The following RFC2 variants were observed in gnomAD, a reference collection of about 807,000 sequenced individuals.
RFC2 encodes the protein replication factor C subunit 2, also known as A1 40 kDa subunit.
A neutral mutation model predicts 44.8 loss-of-function variants in RFC2; 34 were observed. That is an observed-to-expected ratio of 0.76 (90% CI 0.58 to 1.01). The LOEUF (loss-of-function observed/expected upper bound fraction) is 1.01, where lower values mean the gene tolerates loss of function less well. Ranked by LOEUF, RFC2 falls within the 50% of genes least tolerant of loss-of-function variation. The pLI is 0.00. For missense variants in RFC2, 400 were observed against 453.6 expected, an observed-to-expected ratio of 0.88 and a Z score of 1.07; for synonymous variants, 177 against 168.9, an observed-to-expected ratio of 1.05 and a Z score of -0.37.
At chr7:74,237,480 AG>A (rs1554718525) in intron 8 of RFC2, 38 bp from the exon 9 acceptor site, 1 of 1,430,568 alleles carries the variant, frequency 7.0e-7, no homozygotes, top group African/African-American at 1.4e-5. Flanking sequence ...AGGGGCTAGA[AG>A]GGACAATGTG....
At chr7:74,246,550 T>C (rs1335360076) in intron 5 of RFC2, 112 bp downstream of exon 5, 70 of 630,820 alleles carry the variant, frequency 1.1e-4, no homozygotes, top group Non-Finnish European at 7.5e-5. Flanking sequence ...AAATTGCTTG[T>C]GGAAGATATG....
chr7:74,239,658 T>C (rs1228877260), intron 7 of RFC2, among the ~76,000 whole-genome samples: 1 of 152,030 alleles, frequency 6.6e-6, no homozygotes, highest in Non-Finnish European at 1.5e-5. Flanking sequence ...TAATTTTTTT[T>C]AGTAGAGATG....
In RFC2 at chr7:74,249,369, C is replaced by T. The variant is rs574182983; in HGVS notation, c.226-251G>A. ...CAGACTGGCCAACATGGCGAAACCC[C>T]GTCTCTACTAAAAATACAAAACTTA... On this transcript the variant is annotated intron_variant, in intron 3 of 10. Transcript: ENST00000055077. The T allele has an allele frequency of 4.5e-5, 25 of 557,068 alleles. No individual in the cohort carries two copies. The Middle Eastern group carries it at 1.2e-3, about 26-fold the overall frequency. The allele number at this position is 557,068 out of a possible 1,614,324, so 34.5% of individuals were successfully genotyped here. A position where few individuals can be genotyped will look rare whatever the true frequency, so the allele number is the denominator to read the frequency against.
chr7:74,239,947 G>A lies in RFC2; in HGVS notation c.684C>T (p.Asp228=). 6.2e-7 allele frequency: 1 copy of A among 1,605,656 alleles called. No individual in the cohort carries two copies. The highest frequency in any genetic ancestry group is 8.5e-7 in the Non-Finnish European group (1 of 1,175,938). Residue 228 remains aspartate (D), a synonymous_variant, in exon 7 of 11, where the codon GAC becomes GAT. Coordinates refer to ENST00000055077, the MANE Select transcript of RFC2 (RefSeq NM_181471.3). ...LEAIIFTAQG[D]MRQALNNLQS... is the part of the protein sequence containing the mutation. The stretch of plus-strand genomic sequence containing the variant: ...GTAGCAGCCCACATACCTGCCTCAT[G>A]TCTCCCTGGGCCGTGAAGATGATGG...
chr7:74,246,113 G>A (rs1473785458), intron 5 of RFC2, among the ~76,000 whole-genome samples: 7 of 151,842 alleles, frequency 4.6e-5, no homozygotes, highest in South Asian at 2.1e-4. Flanking sequence ...GGAGAATCAC[G>A]TGAACCCAGG....
chr7:74,237,344 G>C lies in RFC2; in HGVS notation c.840+18C>G, dbSNP rs200452278. The C allele has an allele frequency of 6.3e-7, 1 of 1,582,754 alleles. No individual in the cohort carries two copies. Among genetic ancestry groups the C allele is most frequent in the Admixed American group, 1.8e-5 (1 of 56,244 alleles). On this transcript the variant is annotated intron_variant, in intron 9 of 10. Coordinates refer to ENST00000055077, the MANE Select transcript of RFC2 (RefSeq NM_181471.3). ...AAGTGAGCGGTTCCTCTGCCAGGAC[G>C]GGGGGAAGGAGGCCAACCTTGTAGG...
intron 3 of RFC2, 138 bp from the exon 4 acceptor site, chr7:74,249,256 G>C (rs1554720626): frequency 1.3e-6 from 2 of 1,492,854 alleles, no homozygotes; most frequent in Non-Finnish European, 9.0e-7. Context: ...GATCAATACA[G>C]CTGGCCGGAG....
rs142337858 is a variant in RFC2, at chr7:74,233,097, G to A, written c.955-881C>T. Among the ~76,000 whole-genome samples the A allele has an allele frequency of 1.9e-3, 287 of 152,218 alleles. 2 individuals carry two copies. Among genetic ancestry groups the A allele is most frequent in the African/African-American group, 6.3e-3 (260 of 41,534 alleles). ...GTAGTGGCACATGCCTGCAGTCCCA[G>A]CTACTCGGGAGCCTGAGGTGGGAGG... On this transcript the variant is annotated intron_variant, in intron 10 of 10. Coordinates refer to ENST00000055077, the MANE Select transcript of RFC2 (RefSeq NM_181471.3).
intron 4 of RFC2, among the ~76,000 whole-genome samples, chr7:74,248,767 G>A (rs1803766420): frequency 6.6e-6 from 1 of 152,044 alleles, no homozygotes; most frequent in Non-Finnish European, 1.5e-5. Flanking sequence ...CTCCCAAAGT[G>A]CTGGAATTAC....
chr7:74,232,302 C>T (rs1802778094), intron 10 of RFC2, 86 bp from the exon 11 acceptor site: 2 of 748,438 alleles, frequency 2.7e-6, no homozygotes, highest in Non-Finnish European at 4.6e-6. Flanking sequence ...AAAATAAAAA[C>T]AGAAACAAAC....
rs1802972576 is a variant in RFC2, at chr7:74,235,613, T to A, written c.873A>T (p.Ser291=). 1 of 1,613,392 alleles carries A rather than the reference T, an allele frequency of 6.2e-7. No homozygotes were observed. Among genetic ancestry groups the A allele is most frequent in the African/African-American group, 1.3e-5 (1 of 75,030 alleles). The change falls in exon 10 of 11, where the codon TCA becomes TCT. Residue 291 remains serine (S), a synonymous_variant. Coordinates refer to ENST00000055077, the MANE Select transcript of RFC2 (RefSeq NM_181471.3). The part of the protein sequence containing the change: ...ILAHLWHLGY[S]PEDIIGNIFR... ...AGATGTTGCCAATGATATCTTCTGG[T>A]GAGTAGCCCAGATGCCACAAGTGAG...
intron 4 of RFC2, among the ~76,000 whole-genome samples, chr7:74,247,500 C>T (rs570773498): frequency 2.0e-5 from 3 of 152,282 alleles, no homozygotes; most frequent in South Asian, 2.1e-4. Context: ...ATTACCTGGG[C>T]GTGCCCGCGC....
chr7:74,243,037 T>A, intron 6 of RFC2, 109 bp downstream of exon 6: 1 of 705,138 alleles, frequency 1.4e-6, no homozygotes, highest in South Asian at 1.7e-5. Flanking sequence ...TGAGCTGTGA[T>A]GGCACCACTG....
intron 7 of RFC2, among the ~76,000 whole-genome samples, chr7:74,239,322 C>T (rs1202440405): frequency 6.6e-6 from 1 of 151,264 alleles, no homozygotes; most frequent in Non-Finnish European, 1.5e-5. Context: ...ATTACAGGCA[C>T]CCACCACCAT....
chr7:74,249,645 C>A, intron 3 of RFC2, 94 bp downstream of exon 3: 2 of 1,063,652 alleles, frequency 1.9e-6, no homozygotes. Flanking sequence ...GGAAGGGGCT[C>A]TCCAGGGAGG....
chr7:74,252,132 G>A (rs1398529154), intron 2 of RFC2, among the ~76,000 whole-genome samples: 1 of 137,368 alleles, frequency 7.3e-6, no homozygotes, highest in Non-Finnish European at 1.6e-5. Flanking sequence ...AAAAGGCCAG[G>A]TGTGGTGGCT....
At chr7:74,239,345 T>C (rs1375603085) in intron 7 of RFC2, among the ~76,000 whole-genome samples, 1 of 150,946 alleles carries the variant, frequency 6.6e-6, no homozygotes, top group Admixed American at 6.6e-5. Context: ...CCAGCTTTTT[T>C]TTTTGAGACA....
At position 74,240,070 on chromosome 7, in the gene RFC2, G is replaced by A. The variant is rs1803241919; in HGVS notation, c.561C>T (p.Val187=). ...CGTCGGTCAGCTTTGTGTACCGGAGGACTGCACAGCGGGACTGAATGGGCT... is the reference window on the plus strand; with the variant it reads ...CGTCGGTCAGCTTTGTGTACCGGAGAACTGCACAGCGGGACTGAATGGGCT... ...IIEPIQSRCA[V]LRYTKLTDAQ... The change falls in exon 7 of 11, where the codon GTC becomes GTT. Residue 187 remains valine (V), a synonymous_variant. Transcript: ENST00000055077. 4.3e-6 allele frequency: 7 copies of A among 1,613,944 alleles called. No individual in the cohort carries two copies. Among genetic ancestry groups the A allele is most frequent in the Admixed American group, 3.3e-5 (2 of 59,988 alleles).
At chr7:74,249,852 A>C in intron 2 of RFC2, 72 bp from the exon 3 acceptor site, 1 of 1,326,754 alleles carries the variant, frequency 7.5e-7, no homozygotes, top group Non-Finnish European at 1.1e-6. Context: ...GATAGAAAAA[A>C]GAACAAACAA....
Sources: gnomAD v4.1 joint callset for allele counts (sites outside exome capture counted in the v4.1 genomes callset) on GRCh38, gnomAD v4.1.1 for gene constraint, MANE v1.5 for transcripts, NCBI Gene and HGNC (gene_info 2026-07-23, HGNC 2026-07-21) for gene names.